Variants in GIGYF2 observed in about 807,000 individuals in gnomAD.
GIGYF2 encodes GRB10-interacting GYF protein 2.
Under a neutral mutation model 208.1 loss-of-function variants are expected in GIGYF2, and 25 were observed. That is an observed-to-expected ratio of 0.12 (90% CI 0.09 to 0.17). The LOEUF (loss-of-function observed/expected upper bound fraction) is 0.17, where lower values mean the gene tolerates loss of function less well. Ranked by LOEUF, GIGYF2 falls within the 10% of genes least tolerant of loss-of-function variation. The pLI, the probability that GIGYF2 is intolerant of heterozygous loss-of-function variation, is 1.00. For synonymous variants in GIGYF2, 534 were observed against 543.8 expected (o/e 0.98, Z 0.25); for missense variants, 1,302 against 1,579.4 (o/e 0.82, Z 2.98).
intron 3 of GIGYF2, among the ~76,000 whole-genome samples, chr2:232,743,015 T>C (rs955914161): frequency 1.3e-5 from 2 of 152,202 alleles, no homozygotes; most frequent in East Asian, 3.8e-4. Flanking sequence ...ACACATTGTT[T>C]ATTGACTATC....
At chr2:232,795,973 C>G in intron 13 of GIGYF2, 89 bp from the exon 14 acceptor site, 1 of 919,676 alleles carries the variant, frequency 1.1e-6, no homozygotes, top group Non-Finnish European at 1.8e-6. Context: ...ATCAAGTAGT[C>G]CAAAAAAAAG....
At chr2:232,793,885 T>C (rs547741319) in intron 12 of GIGYF2, among the ~76,000 whole-genome samples, 1 of 152,256 alleles carries the variant, frequency 6.6e-6, no homozygotes, top group East Asian at 1.9e-4. Flanking sequence ...TGAGGAAGAC[T>C]AGGAAAAGTC....
intron 3 of GIGYF2, among the ~76,000 whole-genome samples, chr2:232,738,733 G>A (rs910265027): frequency 3.3e-5 from 5 of 152,128 alleles, no homozygotes; most frequent in Admixed American, 2.6e-4. Context: ...TAAATGATAT[G>A]TATATATACC....
chr2:232,852,219 A>G (rs1352582371), intron 28 of GIGYF2, among the ~76,000 whole-genome samples: 1 of 152,190 alleles, frequency 6.6e-6, no homozygotes, highest in Non-Finnish European at 1.5e-5. Flanking sequence ...ACAACATGAC[A>G]GTAAAACCTA....
At chr2:232,703,787 A>G (rs911008460) in intron 2 of GIGYF2, among the ~76,000 whole-genome samples, 1 of 152,238 alleles carries the variant, frequency 6.6e-6, no homozygotes, top group African/African-American at 2.4e-5. Flanking sequence ...AGTTGACTTC[A>G]TGAGGGACAT....
At chr2:232,829,905 G>A (rs760596671) in intron 21 of GIGYF2, among the ~76,000 whole-genome samples, 5 of 152,148 alleles carry the variant, frequency 3.3e-5, no homozygotes, top group African/African-American at 4.8e-5. Context: ...TAGACAGTTG[G>A]CAGGCAGGGA....
intron 21 of GIGYF2, among the ~76,000 whole-genome samples, chr2:232,831,549 A>G (rs1414122545): frequency 1.3e-5 from 2 of 152,228 alleles, no homozygotes; most frequent in Non-Finnish European, 2.9e-5. Context: ...CATCATTAGG[A>G]TACTTTCAGC....
At chr2:232,850,611 C>T (rs1446563875) in intron 28 of GIGYF2, among the ~76,000 whole-genome samples, 2 of 152,194 alleles carry the variant, frequency 1.3e-5, no homozygotes, top group Non-Finnish European at 2.9e-5. Context: ...GTAATAACAA[C>T]TTATATTGTA....
intron 19 of GIGYF2, chr2:232,816,037 A>G (rs1700899028): frequency 2.7e-6 from 1 of 369,956 alleles, no homozygotes; most frequent in South Asian, 2.5e-5. Context: ...AGTAACAAGA[A>G]TGTGAGAAAA....
chr2:232,790,352 G>C (rs1399029227), intron 9 of GIGYF2, among the ~76,000 whole-genome samples: 12 of 152,198 alleles, frequency 7.9e-5, no homozygotes, highest in African/African-American at 2.7e-4. Context: ...ATTAAGTCTG[G>C]ATGAGGAGTT....
chr2:232,731,971 A>G (rs1349603273), intron 2 of GIGYF2, among the ~76,000 whole-genome samples: 1 of 152,238 alleles, frequency 6.6e-6, no homozygotes, highest in African/African-American at 2.4e-5. Context: ...AAATGAAAAT[A>G]GAAGTAAAAT....
At chr2:232,752,979 T>C (rs1698390242) in intron 5 of GIGYF2, among the ~76,000 whole-genome samples, 1 of 152,202 alleles carries the variant, frequency 6.6e-6, no homozygotes, top group Non-Finnish European at 1.5e-5. Flanking sequence ...CCATTTTTTT[T>C]GTATTCACTT....
intron 9 of GIGYF2, among the ~76,000 whole-genome samples, chr2:232,790,208 G>T (rs1291467039): frequency 6.6e-6 from 1 of 152,164 alleles, no homozygotes; most frequent in Non-Finnish European, 1.5e-5. Flanking sequence ...AAATAGTCAT[G>T]ATGAGTTTGA....
At chr2:232,734,749 A>G (rs976174152) in intron 2 of GIGYF2, among the ~76,000 whole-genome samples, 1 of 152,180 alleles carries the variant, frequency 6.6e-6, no homozygotes, top group African/African-American at 2.4e-5. Flanking sequence ...TCTTTGATGT[A>G]CCTCATGGTG....
chr2:232,776,477 G>A (rs1335813078), intron 8 of GIGYF2: 1 of 1,565,534 alleles, frequency 6.4e-7, no homozygotes, highest in Non-Finnish European at 8.8e-7. Context: ...TTTATGCCAA[G>A]GTAGGTCTTA....
At chr2:232,836,308 A>C (rs1463259440) in intron 22 of GIGYF2, among the ~76,000 whole-genome samples, 574 of 21,586 alleles carry the variant, frequency 0.027, 168 homozygotes, top group African/African-American at 0.081. Context: ...ATATATATAT[A>C]TATATATATA....
intron 5 of GIGYF2, among the ~76,000 whole-genome samples, chr2:232,752,886 C>A (rs1698387768): frequency 6.6e-6 from 1 of 151,912 alleles, no homozygotes; most frequent in Admixed American, 6.6e-5. Flanking sequence ...TAACAAAATT[C>A]AAAAAGCACA....
At chr2:232,811,544 C>T (rs1255896268) in intron 17 of GIGYF2, among the ~76,000 whole-genome samples, 193 bp downstream of exon 17, 1 of 152,096 alleles carries the variant, frequency 6.6e-6, no homozygotes, top group East Asian at 1.9e-4. Flanking sequence ...TGGTCTTTTA[C>T]TCATAGATAT....
chr2:232,860,347 A>G lies in GIGYF2; in HGVS notation c.*3487A>G, dbSNP rs1690727906. 6.6e-6 allele frequency: 1 copy of G among 151,460 alleles called. No homozygotes were observed. The highest frequency in any genetic ancestry group is 2.4e-5 in the African/African-American group (1 of 41,318). The allele number at this position is 151,460 out of a possible 1,614,324, so 9.4% of individuals were successfully genotyped here. A position where few individuals can be genotyped will look rare whatever the true frequency, so the allele number is the denominator to read the frequency against. On this transcript the variant is annotated 3_prime_UTR_variant, in exon 29 of 29. Transcript: ENST00000373563. ...TAATGGTACTTCTGGCTTTATTTAAATAATTTTTTTAGGGAAACCATTGTA... is the reference window on the plus strand; with the variant it reads ...TAATGGTACTTCTGGCTTTATTTAAGTAATTTTTTTAGGGAAACCATTGTA...
Sources: allele counts gnomAD v4.1 joint callset (sites outside exome capture counted in the v4.1 genomes callset), GRCh38; gene constraint gnomAD v4.1.1; transcripts MANE v1.5; gene names NCBI Gene and HGNC (gene_info 2026-07-23, HGNC 2026-07-21).